Variants in PGD observed in about 807,000 individuals in gnomAD.
The protein encoded by PGD is 6-phosphogluconate dehydrogenase, decarboxylating.
Under a neutral mutation model 60.4 loss-of-function variants are expected in PGD, and 21 were observed. The ratio of observed to expected loss-of-function variants is 0.35; its 90% CI spans 0.25 to 0.50. The LOEUF is 0.50. Ranked by LOEUF, PGD falls within the 20% of genes least tolerant of loss-of-function variation. PGD has a pLI of 0.98. For missense variants in PGD, 477 were observed against 613.1 expected (o/e 0.78, Z 2.34); for synonymous variants, 230 against 235.9 (o/e 0.97, Z 0.23).
chr1:10,401,940 G>A (rs991574854), intron 3 of PGD, among the ~76,000 whole-genome samples: 4 of 151,420 alleles, frequency 2.6e-5, no homozygotes, highest in East Asian at 2.0e-4. Flanking sequence ...GCGTGAACCC[G>A]GGAGGCAGAG....
intron 6 of PGD, among the ~76,000 whole-genome samples, chr1:10,410,402 G>A (rs548711333): frequency 4.0e-5 from 6 of 151,742 alleles, no homozygotes; most frequent in East Asian, 3.9e-4. Context: ...AGATCACACC[G>A]CTGCACTCCA....
intron 5 of PGD, among the ~76,000 whole-genome samples, chr1:10,404,805 A>T (rs904320353): frequency 6.6e-6 from 1 of 152,152 alleles, no homozygotes; most frequent in South Asian, 2.1e-4. Flanking sequence ...TGGCCTCTAA[A>T]TAGGCTTTAA....
intron 6 of PGD, among the ~76,000 whole-genome samples, chr1:10,409,066 G>C (rs1021364079): frequency 6.6e-6 from 1 of 152,164 alleles, no homozygotes; most frequent in African/African-American, 2.4e-5. Context: ...ATGGACTTCA[G>C]TTTCCTTATC....
chr1:10,404,128 G>A, intron 4 of PGD, 33 bp from the exon 5 acceptor site: 3 of 1,409,356 alleles, frequency 2.1e-6, no homozygotes, highest in Non-Finnish European at 2.0e-6. Context: ...ATGAAACATG[G>A]AAGCATAATG....
intron 3 of PGD, among the ~76,000 whole-genome samples, chr1:10,402,438 G>A (rs1261966314): frequency 6.6e-6 from 1 of 151,712 alleles, no homozygotes; most frequent in Non-Finnish European, 1.5e-5. Flanking sequence ...AGTAGGCTGG[G>A]TGCGTTGGCC....
At chr1:10,414,444 G>A (rs56945820) in intron 8 of PGD, among the ~76,000 whole-genome samples, 2 of 151,930 alleles carry the variant, frequency 1.3e-5, no homozygotes, top group Admixed American at 6.6e-5. Flanking sequence ...GCATGATCTC[G>A]GGTCACTGCA....
chr1:10,411,585 T>C (rs372242816), intron 7 of PGD, 33 bp downstream of exon 7: 6 of 1,612,750 alleles, frequency 3.7e-6, no homozygotes, highest in East Asian at 4.5e-5. Flanking sequence ...GTGTCCGTTC[T>C]GCAGGGAGTG....
rs1274746241 is a variant in PGD at position 10,405,610 on chromosome 1, T to TGGGAGGATCACTTGAGGTC, written c.449+1332_449+1350dup. Among the ~76,000 whole-genome samples, 19 of 150,836 alleles carry TGGGAGGATCACTTGAGGTC rather than the reference T, an allele frequency of 1.3e-4. No individual in the cohort carries two copies. In the East Asian group the frequency reaches 4.0e-3, roughly 32 times the overall value. ...ATCCCAGCACTTTGGGAGACTGAGATGGGAGGATCACTTGAGGTCAGGAGT... is the reference window on the plus strand; with the variant it reads ...ATCCCAGCACTTTGGGAGACTGAGATGGGAGGATCACTTGAGGTCGGGAGGATCACTTGAGGTCAGGAGT... On this transcript the variant is annotated intron_variant, in intron 5 of 12. Transcript: ENST00000270776.
chr1:10,399,940 G>A (rs2102383622), intron 2 of PGD: 1 of 585,162 alleles, frequency 1.7e-6, no homozygotes, highest in African/African-American at 1.9e-5. Context: ...CCGAATGAAC[G>A]AATTAGTGTC....
chr1:10,403,093 A>G lies in PGD; in HGVS notation c.287A>G (p.Asp96Gly). The G allele has an allele frequency of 6.2e-7, 1 of 1,610,774 alleles. No homozygotes were observed. The highest frequency in any genetic ancestry group is 8.5e-7 in the Non-Finnish European group (1 of 1,176,920). The change falls in exon 4 of 13, where the codon GAC becomes GGC. Residue 96 changes from aspartate (D) to glycine (G), a missense_variant. By Grantham distance (94) the Asp-to-Gly change is moderately conservative (BLOSUM62 -1). Coordinates refer to ENST00000270776, the MANE Select transcript of PGD (RefSeq NM_002631.4). ...CAGGTACCATTGTTGGATACTGGTG[A>G]CATCATCATTGACGGAGGAAATTCT... ...EKLVPLLDTG[D>G]IIIDGGNSEY...
Position 10,417,083 on chromosome 1 carries a change from G to A in PGD, c.941G>A (p.Gly314Asp), listed in dbSNP as rs201224678. 46 of 1,613,884 alleles carry A rather than the reference G, an allele frequency of 2.9e-5. No homozygotes were observed. The highest frequency in any genetic ancestry group is 3.6e-5 in the Non-Finnish European group (42 of 1,179,906). The change falls in exon 9 of 13, where the codon GGT becomes GAT. Residue 314 changes from glycine to aspartate, a missense_variant. Gly to Asp is a moderately conservative substitution (Grantham distance 94). This residue lies in a region of PGD where 431 missense variants were observed against 556.6 expected (regional missense o/e 0.77). Coordinates refer to ENST00000270776, the MANE Select transcript of PGD (RefSeq NM_002631.4). ...LKGPQKFQFD[G>D]DKKSFLEDIR... is the part of the protein sequence containing the mutation. ...GGTCCCCAGAAGTTCCAGTTTGATG[G>A]TGATAAGAAATCATTCCTGGAGGAC...
rs1316631133 is a variant in PGD at position 10,420,076 on chromosome 1, A to G, written c.*327A>G. On this transcript the variant is annotated 3_prime_UTR_variant, in exon 13 of 13. Transcript: ENST00000270776. ...GAAGGGTGTTTGCGCACTCTGATCAACTGGAACCTCTGTATCATGCGGCTG... is the reference window on the plus strand; with the variant it reads ...GAAGGGTGTTTGCGCACTCTGATCAGCTGGAACCTCTGTATCATGCGGCTG... 2 of 293,798 alleles carry G rather than the reference A, an allele frequency of 6.8e-6. No individual in the cohort carries two copies. The highest frequency in any genetic ancestry group is 8.0e-5 in the East Asian group (1 of 12,444). 18.2% of individuals were successfully genotyped at this position (293,798 alleles called of 1,614,324 possible).
Position 10,399,113 on chromosome 1 carries a change from C to T in PGD, c.-5C>T, listed in dbSNP as rs777297409. ...CCGCTCTTCGGTTCTGCTCTGTCCG[C>T]CGCCATGGCCCAGTGAGTGACTCGC... On this transcript the variant is annotated 5_prime_UTR_variant, in exon 1 of 13. Transcript: ENST00000270776. 10 of 1,609,762 alleles carry T rather than the reference C, an allele frequency of 6.2e-6. No individual in the cohort carries two copies. Among genetic ancestry groups the T allele is most frequent in the Non-Finnish European group, 8.5e-6 (10 of 1,179,714 alleles).
rs762158231 is a variant in PGD at position 10,399,101 on chromosome 1, C to G, written c.-17C>G. 1.2e-6 allele frequency: 2 copies of G among 1,609,814 alleles called. No homozygotes were observed. Among genetic ancestry groups the G allele is most frequent in the South Asian group, 2.2e-5 (2 of 91,026 alleles). ...CTCCGCGCGTCGCCGCTCTTCGGTT[C>G]TGCTCTGTCCGCCGCCATGGCCCAG... On this transcript the variant is annotated 5_prime_UTR_variant, in exon 1 of 13. Transcript: ENST00000270776.
chr1:10,406,200 CT>C (rs1639401545), intron 5 of PGD, among the ~76,000 whole-genome samples: 2 of 152,162 alleles, frequency 1.3e-5, no homozygotes, highest in Non-Finnish European at 2.9e-5. Context: ...TCTGGGGATT[CT>C]CTTCAGTGTG....
intron 8 of PGD, among the ~76,000 whole-genome samples, chr1:10,415,744 C>A (rs1405569239): frequency 6.6e-6 from 1 of 152,174 alleles, no homozygotes; most frequent in East Asian, 1.9e-4. Context: ...GATTTTACTT[C>A]ATTTTGTCTA....
chr1:10,406,495 G>A (rs1639407974), intron 5 of PGD, among the ~76,000 whole-genome samples: 1 of 152,214 alleles, frequency 6.6e-6, no homozygotes, highest in African/African-American at 2.4e-5. Context: ...CATATGGAGT[G>A]CTCCAGTTGT....
Position 10,404,284 on chromosome 1 carries a change from G to A in PGD, c.449+5G>A, listed in dbSNP as rs1569972685. On this transcript the variant is annotated splice_donor_5th_base_variant and intron_variant, in intron 5 of 12. Transcript: ENST00000270776. ...AGGAGGGAACAAAGAAGCGTGGTGA[G>A]TGCCATCAGCACTGTGCCCATCTCT... 2 of 1,573,224 alleles carry A rather than the reference G, an allele frequency of 1.3e-6. No homozygotes were observed. The highest frequency in any genetic ancestry group is 1.1e-5 in the South Asian group (1 of 89,510).
intron 10 of PGD, 137 bp from the exon 11 acceptor site, chr1:10,418,689 C>A (rs111982342): frequency 1.2e-5 from 7 of 564,706 alleles, no homozygotes; most frequent in Admixed American, 3.0e-5. Flanking sequence ...GCAGGAGAAT[C>A]GCTTGAACCT....
Sources: allele counts gnomAD v4.1 joint callset (sites outside exome capture counted in the v4.1 genomes callset), GRCh38; gene constraint gnomAD v4.1.1; regional missense constraint gnomAD v4.1.1; transcripts MANE v1.5; gene names NCBI Gene and HGNC (gene_info 2026-07-23, HGNC 2026-07-21).